KCNMB4: variants seen among roughly 807,000 people sequenced by gnomAD.
The protein encoded by KCNMB4 is potassium calcium-activated channel subfamily M regulatory beta subunit 4.
In KCNMB4, 3 loss-of-function variants were observed where a neutral mutation model predicts 20.7. The ratio of observed to expected loss-of-function variants is 0.14; its 90% CI spans 0.07 to 0.37. The LOEUF (loss-of-function observed/expected upper bound fraction) is 0.37. Ranked by LOEUF, KCNMB4 falls within the 10% of genes least tolerant of loss-of-function variation. The probability of loss-of-function intolerance (pLI) is 1.00; values close to 1 mark genes in which losing one functional copy is unlikely to be tolerated. For missense variants in KCNMB4, 168 were observed against 265.9 expected (o/e 0.63, Z 2.56); for synonymous variants, 110 against 113.4 (o/e 0.97, Z 0.19).
Position 70,407,320 on chromosome 12 carries a change from A to C in KCNMB4, c.464+6984A>C, listed in dbSNP as rs1868632824. ...AGCACCTTGATGTATGCACCAACCC[A>C]GGAGCTCTGGAGTTGTTAGGGTTTT... On this transcript the variant is annotated intron_variant, in intron 2 of 2. Coordinates refer to ENST00000258111, the MANE Select transcript of KCNMB4 (RefSeq NM_014505.6). Among the ~76,000 whole-genome samples, 3 of 152,092 alleles carry C rather than the reference A, an allele frequency of 2.0e-5. No individual in the cohort carries two copies. In the South Asian group the frequency reaches 6.2e-4, roughly 32 times the overall value.
At chr12:70,429,786 G>A (rs1464873039) in intron 2 of KCNMB4, among the ~76,000 whole-genome samples, 2 of 152,054 alleles carry the variant, frequency 1.3e-5, no homozygotes, top group Non-Finnish European at 1.5e-5. Context: ...TGGGACCAAT[G>A]CAGGAATTGA....
chr12:70,402,654 CA>C (rs34956547), intron 2 of KCNMB4, among the ~76,000 whole-genome samples: 10,326 of 74,784 alleles, frequency 0.14, 281 homozygotes, highest in Admixed American at 0.21. Context: ...GACCCTGCCT[CA>C]AAAAAAAAAA....
intron 1 of KCNMB4, among the ~76,000 whole-genome samples, chr12:70,375,479 T>TA (rs72220922): frequency 0.24 from 35,436 of 146,924 alleles, 4,439 homozygotes; most frequent in East Asian, 0.47. Context: ...CTACAAAAAT[T>TA]AAAAAAAAAA....
At chr12:70,401,926 A>C (rs1868464099) in intron 2 of KCNMB4, among the ~76,000 whole-genome samples, 1 of 152,152 alleles carries the variant, frequency 6.6e-6, no homozygotes, top group Admixed American at 6.5e-5. Context: ...TGGTCAAAGC[A>C]AGTCATGAAG....
intron 1 of KCNMB4, among the ~76,000 whole-genome samples, chr12:70,384,018 G>C (rs1006388929): frequency 7.9e-5 from 12 of 152,122 alleles, no homozygotes; most frequent in Admixed American, 7.2e-4. Flanking sequence ...GCAGTGAGCC[G>C]AGACCGTGCC....
In KCNMB4 at chr12:70,373,827, A is replaced by G. The variant is rs554376365; in HGVS notation, c.336+6757A>G. ...GTAAGATCCCATCTCTTAAAAAAAT[A>G]TCAAGGAAATTGGCTGGTCATTGTG... On this transcript the variant is annotated intron_variant, in intron 1 of 2. Transcript: ENST00000258111. Among the ~76,000 whole-genome samples the G allele has an allele frequency of 4.6e-5, 7 of 152,244 alleles. 1 individual carries two copies. In the South Asian group the frequency reaches 6.2e-4, roughly 14 times the overall value.
In KCNMB4 at chr12:70,400,341, G is replaced by A; in HGVS notation, c.464+5G>A. 1 of 1,603,842 alleles carries A rather than the reference G, an allele frequency of 6.2e-7. No individual in the cohort carries two copies. The highest frequency in any genetic ancestry group is 8.5e-7 in the Non-Finnish European group (1 of 1,176,976). ...CTATTTTAATCAACATCAAAGGTAA[G>A]TCAATATTTGCATGTGCGTGTTAAA... On this transcript the variant is annotated splice_donor_5th_base_variant and intron_variant, in intron 2 of 2. Coordinates refer to ENST00000258111, the MANE Select transcript of KCNMB4 (RefSeq NM_014505.6).
chr12:70,381,601 A>G (rs1432136409), intron 1 of KCNMB4, among the ~76,000 whole-genome samples: 4 of 152,242 alleles, frequency 2.6e-5, no homozygotes, highest in African/African-American at 9.6e-5. Context: ...TATGGTAAGT[A>G]TAGGAAGCCA....
chr12:70,394,399 C>T (rs1868332421), intron 1 of KCNMB4, among the ~76,000 whole-genome samples: 1 of 152,124 alleles, frequency 6.6e-6, no homozygotes, highest in Non-Finnish European at 1.5e-5. Flanking sequence ...TTTAGCTTCT[C>T]CTGTTCTTAG....
intron 2 of KCNMB4, among the ~76,000 whole-genome samples, chr12:70,428,847 A>G (rs927783800): frequency 6.6e-6 from 1 of 152,340 alleles, no homozygotes; most frequent in African/African-American, 2.4e-5. Flanking sequence ...TCGTGCTATA[A>G]GAATTCCAAA....
intron 1 of KCNMB4, among the ~76,000 whole-genome samples, chr12:70,392,593 A>G (rs778165129): frequency 3.3e-5 from 5 of 152,224 alleles, no homozygotes; most frequent in Non-Finnish European, 7.3e-5. Flanking sequence ...AATGCCCATC[A>G]ATGATAGACT....
chr12:70,424,442 GAAAAAA>G (rs35459349), intron 2 of KCNMB4, among the ~76,000 whole-genome samples: 7 of 135,754 alleles, frequency 5.2e-5, no homozygotes, highest in African/African-American at 2.0e-4. Context: ...CTCCATCTCA[GAAAAAA>G]AAAAAAAAAA....
chr12:70,429,666 CAA>C (rs11320039), intron 2 of KCNMB4, among the ~76,000 whole-genome samples: 50,322 of 117,368 alleles, frequency 0.43, 9,266 homozygotes, highest in East Asian at 0.52. Flanking sequence ...GACTCCATCT[CAA>C]AAAAAAAAAA....
At chr12:70,369,326 T>C (rs905238954) in intron 1 of KCNMB4, among the ~76,000 whole-genome samples, 2 of 152,250 alleles carry the variant, frequency 1.3e-5, no homozygotes, top group Non-Finnish European at 2.9e-5. Flanking sequence ...AAAAATTCAA[T>C]GTAATAAAAA....
intron 2 of KCNMB4, among the ~76,000 whole-genome samples, chr12:70,419,157 TAAGGA>T (rs776939993): frequency 2.1e-4 from 32 of 152,186 alleles, no homozygotes; most frequent in Admixed American, 3.9e-4. Context: ...TTAATTCCTT[TAAGGA>T]ATTCTAAAAA....
intron 1 of KCNMB4, among the ~76,000 whole-genome samples, chr12:70,396,700 G>C (rs1328622907): frequency 6.6e-6 from 1 of 152,218 alleles, no homozygotes; most frequent in East Asian, 1.9e-4. Context: ...TGCAACACTT[G>C]ACATATAGTC....
At chr12:70,373,082 G>A (rs2136114969) in intron 1 of KCNMB4, among the ~76,000 whole-genome samples, 1 of 152,328 alleles carries the variant, frequency 6.6e-6, no homozygotes, top group Non-Finnish European at 1.5e-5. Flanking sequence ...TAAGGCTGGA[G>A]AGTAAATTCG....
At chr12:70,382,618 GA>G (rs1883810961) in intron 1 of KCNMB4, among the ~76,000 whole-genome samples, 1 of 151,984 alleles carries the variant, frequency 6.6e-6, no homozygotes, top group Admixed American at 6.6e-5. Flanking sequence ...TATAATAAGG[GA>G]AAACTTACAC....
At position 70,430,832 on chromosome 12, in the gene KCNMB4, T is replaced by G. The variant is rs368825274; in HGVS notation, c.*179T>G. ...ACTGGAAGACTTGGAACCTCAAAGC[T>G]TGTATTCCATCTGCTGTAGCAATGG... On this transcript the variant is annotated 3_prime_UTR_variant, in exon 3 of 3. Coordinates refer to ENST00000258111, the MANE Select transcript of KCNMB4 (RefSeq NM_014505.6). The G allele has an allele frequency of 2.0e-5, 11 of 557,758 alleles. No homozygotes were observed. Among genetic ancestry groups the G allele is most frequent in the East Asian group, 6.5e-5 (2 of 30,574 alleles). 34.6% of individuals were successfully genotyped at this position (557,758 alleles called of 1,614,324 possible).
Sources: allele counts gnomAD v4.1 joint callset (sites outside exome capture counted in the v4.1 genomes callset), GRCh38; gene constraint gnomAD v4.1.1; transcripts MANE v1.5; gene names NCBI Gene and HGNC (gene_info 2026-07-23, HGNC 2026-07-21).